CEP295: variants seen among roughly 807,000 people sequenced by gnomAD.
The protein encoded by CEP295 is centrosomal protein 295.
CEP295 carries 190 observed loss-of-function variants against 291.6 expected under a neutral mutation model. The observed-to-expected ratio is 0.65, with a 90% CI of 0.58 to 0.73. CEP295 has a LOEUF of 0.73. Among genes scored for constraint, CEP295 ranks in the 30% least tolerant of loss-of-function variants. The pLI is 0.00. For missense variants in CEP295, 2,863 were observed against 2,949.4 expected (o/e 0.97, Z 0.68); for synonymous variants, 993 against 1,038.8 (o/e 0.96, Z 0.85).
intron 21 of CEP295, chr11:93,724,022 T>G (rs1953954889): frequency 7.2e-6 from 2 of 279,292 alleles, no homozygotes; most frequent in South Asian, 2.9e-4. Context: ...TTAAAAAGTT[T>G]TGGTCACTGA....
intron 12 of CEP295, among the ~76,000 whole-genome samples, chr11:93,692,692 G>C (rs1951629306): frequency 2.6e-5 from 4 of 152,104 alleles, no homozygotes; most frequent in African/African-American, 9.6e-5. Context: ...ACTTCTTTAG[G>C]CTGGGCATAG....
chr11:93,679,679 G>A (rs1248705066), intron 7 of CEP295, 127 bp downstream of exon 7: 58 of 695,016 alleles, frequency 8.3e-5, no homozygotes, highest in Admixed American at 4.0e-5. Context: ...TGATTCATAT[G>A]ATTTCAAGTT....
intron 1 of CEP295, among the ~76,000 whole-genome samples, chr11:93,662,846 G>C (rs945503838): frequency 6.6e-6 from 1 of 152,152 alleles, no homozygotes; most frequent in Non-Finnish European, 1.5e-5. Context: ...GGAGAAACCT[G>C]GTGGACATCA....
At chr11:93,717,306 A>G (rs1419168069) in intron 18 of CEP295, among the ~76,000 whole-genome samples, 3 of 151,910 alleles carry the variant, frequency 2.0e-5, no homozygotes, top group Non-Finnish European at 2.9e-5. Context: ...TTTTTATTCT[A>G]TTTGTTGATA....
At position 93,692,002 on chromosome 11, in the gene CEP295, G is replaced by A. The variant is rs1037592420; in HGVS notation, c.1505G>A (p.Arg502Lys). ...VLLHPQEAAA[R>K]IRMSARQKQI... ...CTTCATCCTCAAGAAGCAGCAGCCA[G>A]GATTAGAATGTCAGCAAGGCAGAAA... Residue 502 changes from arginine (R) to lysine (K), a missense_variant, in exon 12 of 30, where the codon AGG (arginine) becomes AAG (lysine). Physicochemically the swap from Arg to Lys is conservative, Grantham distance 26 (BLOSUM62 2). Transcript: ENST00000325212. The A allele has an allele frequency of 6.5e-7, 1 of 1,529,416 alleles. No homozygotes were observed. Among genetic ancestry groups the A allele is most frequent in the Non-Finnish European group, 8.9e-7 (1 of 1,127,532 alleles). 94.7% of individuals were successfully genotyped at this position (1,529,416 alleles called of 1,614,324 possible). A position where few individuals can be genotyped will look rare whatever the true frequency, so the allele number is the denominator to read the frequency against.
At position 93,729,952 on chromosome 11, in the gene CEP295, G is replaced by T; in HGVS notation, c.7650G>T (p.Arg2550Ser). 1 of 1,538,360 alleles carries T rather than the reference G, an allele frequency of 6.5e-7. No individual in the cohort carries two copies. Residue 2550 changes from arginine (R) to serine (S), a missense_variant, in exon 28 of 30, where the codon AGG (arginine) becomes AGT (serine). Arg to Ser is a moderately radical substitution (Grantham distance 110, BLOSUM62 -1). Coordinates refer to ENST00000325212, the MANE Select transcript of CEP295 (RefSeq NM_033395.2). ...PEDRKTTQAL[R>S]HQRGLRLYNQ... is the part of the protein sequence containing the mutation. ...ACAGAAAGACTACACAGGCTCTAAGGCACCAAAGGGGTCTAAGGTAGGGTT... is the reference window on the plus strand; with the variant it reads ...ACAGAAAGACTACACAGGCTCTAAGTCACCAAAGGGGTCTAAGGTAGGGTT...
At chr11:93,721,689 TG>T (rs776178905) in intron 19 of CEP295, 9 of 739,862 alleles carry the variant, frequency 1.2e-5, no homozygotes, top group South Asian at 1.1e-4. Flanking sequence ...TGTGTGTGTG[TG>T]TGTGTGTGTG....
chr11:93,728,060 A>G (rs1937624814), intron 24 of CEP295: 1 of 160,168 alleles, frequency 6.2e-6, no homozygotes, highest in African/African-American at 2.4e-5. Context: ...AGTGCAATGA[A>G]TTCATCCATT....
Position 93,699,698 on chromosome 11 carries a change from A to G in CEP295, c.4786A>G (p.Ile1596Val), listed in dbSNP as rs374662590. 9 of 1,551,512 alleles carry G rather than the reference A, an allele frequency of 5.8e-6. No individual in the cohort carries two copies. Among genetic ancestry groups the G allele is most frequent in the Non-Finnish European group, 7.8e-6 (9 of 1,147,048 alleles). Residue 1596 changes from isoleucine (I) to valine (V), a missense_variant, in exon 15 of 30, where the codon ATT becomes GTT. By Grantham distance (29) the Ile-to-Val change is conservative (BLOSUM62 3). Coordinates refer to ENST00000325212, the MANE Select transcript of CEP295 (RefSeq NM_033395.2). ...QDRLLSLSKP[I>V]LPQQDNMTAQ... ...TAGACTTTTGAGTTTATCAAAGCCTATTCTGCCTCAGCAAGATAATATGAC... is the reference window on the plus strand; with the variant it reads ...TAGACTTTTGAGTTTATCAAAGCCTGTTCTGCCTCAGCAAGATAATATGAC...
At chr11:93,672,981 C>A (rs4753490) in intron 5 of CEP295, among the ~76,000 whole-genome samples, 139,888 of 152,256 alleles carry the variant, frequency 0.92, 65,080 homozygotes, top group East Asian at 0.99. Context: ...CAAATTACAT[C>A]ATTTTAGAGA....
In CEP295 at chr11:93,680,898, A is replaced by C. The variant is rs146265952; in HGVS notation, c.765+1346A>C. Among the ~76,000 whole-genome samples, 499 of 152,330 alleles carry C rather than the reference A, an allele frequency of 3.3e-3. 4 individuals are homozygous for C. The highest frequency in any genetic ancestry group is 4.4e-3 in the Non-Finnish European group (300 of 68,030). On this transcript the variant is annotated intron_variant, in intron 7 of 29. Transcript: ENST00000325212. The stretch of plus-strand genomic sequence containing the variant: ...ACTTCTTAAAAATGCATTGGAAATT[A>C]AATTTTCTTATGAAAGGTTATTTTT...
rs1237402439 is a variant in CEP295, at chr11:93,725,528, A to C, written c.6319-123A>C. On this transcript the variant is annotated intron_variant, in intron 22 of 29. Transcript: ENST00000325212. ...GAAAAGAACTGGATTTGAAAAAGCA[A>C]ATCATTGCTGTCATAGTGAAGTGAT... The C allele has an allele frequency of 2.0e-4, 159 of 803,320 alleles. 1 individual carries two copies. Among genetic ancestry groups the C allele is most frequent in the Non-Finnish European group, 1.3e-5 (7 of 539,208 alleles). 49.8% of individuals were successfully genotyped at this position (803,320 alleles called of 1,614,324 possible).
intron 7 of CEP295, 121 bp from the exon 8 acceptor site, chr11:93,683,438 A>T (rs1241541373): frequency 3.0e-6 from 2 of 677,012 alleles, no homozygotes; most frequent in African/African-American, 3.8e-5. Flanking sequence ...TGGCTGAACA[A>T]ATAATAGAGG....
At chr11:93,689,642 C>T (rs1016651438) in intron 10 of CEP295, among the ~76,000 whole-genome samples, 1 of 152,100 alleles carries the variant, frequency 6.6e-6, no homozygotes, top group South Asian at 2.1e-4. Flanking sequence ...ACTTCCTATC[C>T]CCTTTACCCT....
intron 8 of CEP295, 86 bp downstream of exon 8, chr11:93,683,828 C>T (rs765447529): frequency 4.8e-6 from 7 of 1,447,766 alleles, no homozygotes; most frequent in Non-Finnish European, 6.5e-6. Flanking sequence ...CAGTTTTTAT[C>T]TTGAAATGAG....
chr11:93,729,443 T>C lies in CEP295; in HGVS notation c.7312T>C (p.Phe2438Leu), dbSNP rs1190352581. Residue 2438 changes from phenylalanine (F) to leucine (L), a missense_variant, in exon 26 of 30, where the codon TTT becomes CTT. Physicochemically the swap from Phe to Leu is conservative, Grantham distance 22. Transcript: ENST00000325212. ...ACTTTCTTGCCATTAGGTGAGTGAG[T>C]TTCTGCCTCTTGTATCAGCAACAGA... is the stretch of plus-strand genomic sequence containing the variant. Reference protein sequence around the residue: ...EAKCFFQVSEFLPLVSATEAS... With the variant: ...EAKCFFQVSELLPLVSATEAS... The C allele has an allele frequency of 2.3e-5, 35 of 1,550,818 alleles. No homozygotes were observed. Among genetic ancestry groups the C allele is most frequent in the Non-Finnish European group, 3.0e-5 (34 of 1,146,236 alleles).
At chr11:93,728,513 T>C (rs932439774) in intron 24 of CEP295, 168 bp from the exon 25 acceptor site, 53 of 522,444 alleles carry the variant, frequency 1.0e-4, no homozygotes, top group East Asian at 2.1e-4. Flanking sequence ...GCTGGAGTTA[T>C]GGAAGCCTAA....
Position 93,697,246 on chromosome 11 carries a change from C to A in CEP295, c.2334C>A (p.Tyr778Ter). The change falls in exon 15 of 30, where the codon TAC (tyrosine) becomes TAA (stop). Residue 778 changes from tyrosine to a stop codon, truncating the protein, a stop_gained. Transcript: ENST00000325212. LOFTEE classifies it high-confidence loss of function. ...CAGAGAATAGTGAAAATATATCTTA[C>A]CATTTAACTGAACCTTCTTCATTTG... is the stretch of plus-strand genomic sequence containing the variant. ...LFSENSENIS[Y>*]HLTEPSSFVP... The A allele has an allele frequency of 1.9e-6, 3 of 1,551,650 alleles. No homozygotes were observed. The highest frequency in any genetic ancestry group is 2.6e-6 in the Non-Finnish European group (3 of 1,146,936).
chr11:93,729,254 G>A, intron 25 of CEP295, 180 bp from the exon 26 acceptor site: 1 of 610,750 alleles, frequency 1.6e-6, no homozygotes. Flanking sequence ...GGGCAACAAG[G>A]CAAAACCCAA....
Sources: allele counts gnomAD v4.1 joint callset (sites outside exome capture counted in the v4.1 genomes callset), GRCh38; gene constraint gnomAD v4.1.1; transcripts MANE v1.5; gene names NCBI Gene and HGNC (gene_info 2026-07-23, HGNC 2026-07-21).